The following BRF1 variants were observed in gnomAD, a reference collection of about 807,000 sequenced individuals.
BRF1 encodes the protein transcription factor IIIB 90 kDa subunit.
BRF1 carries 59 observed loss-of-function variants against 81.7 expected under a neutral mutation model. That is an observed-to-expected ratio of 0.72 (90% CI 0.59 to 0.90). The LOEUF is 0.90. Among genes scored for constraint, BRF1 ranks in the 40% least tolerant of loss-of-function variants. The pLI, the probability that BRF1 is intolerant of heterozygous loss-of-function variation, is 0.00. For missense variants in BRF1, 1,050 were observed against 936.3 expected (o/e 1.12, Z -1.58); for synonymous variants, 491 against 395.6 (o/e 1.24, Z -2.86).
intron 2 of BRF1, among the ~76,000 whole-genome samples, chr14:105,285,612 T>C (rs1196372832): frequency 6.6e-6 from 1 of 152,206 alleles, no homozygotes; most frequent in African/African-American, 2.4e-5. Flanking sequence ...CAACATTTGT[T>C]AGTTATGATA....
chr14:105,223,452 C>A (rs770947927), intron 10 of BRF1, among the ~76,000 whole-genome samples: 2 of 152,232 alleles, frequency 1.3e-5, no homozygotes, highest in Admixed American at 1.3e-4. Flanking sequence ...ACACCCTCAG[C>A]GTGCTGAAGG....
chr14:105,267,439 G>GA (rs2056467318), intron 3 of BRF1, among the ~76,000 whole-genome samples: 1 of 151,860 alleles, frequency 6.6e-6, no homozygotes, highest in South Asian at 2.1e-4. Flanking sequence ...CAGTAGGTGA[G>GA]ACCACAGGTA....
intron 16 of BRF1, chr14:105,211,672 T>TCCGGCC: frequency 2.8e-6 from 1 of 352,654 alleles, no homozygotes. Context: ...GAGGCTCTGC[T>TCCGGCC]CCGGCCCCTG....
chr14:105,295,413 C>G (rs1020947895), intron 1 of BRF1, among the ~76,000 whole-genome samples: 2 of 151,908 alleles, frequency 1.3e-5, no homozygotes, highest in Non-Finnish European at 2.9e-5. Context: ...CCAGACGAGC[C>G]TGGTCAACAT....
intron 1 of BRF1, among the ~76,000 whole-genome samples, chr14:105,290,847 C>T (rs771713895): frequency 6.6e-6 from 1 of 151,954 alleles, no homozygotes; most frequent in Non-Finnish European, 1.5e-5. Context: ...CACGCTGCTG[C>T]ACCTGCTCTG....
At chr14:105,301,926 G>A (rs1436271412), upstream of BRF1, among the ~76,000 whole-genome samples, 1 of 152,150 alleles carries the variant, frequency 6.6e-6, no homozygotes, top group East Asian at 1.9e-4. Flanking sequence ...CACGTAAGGT[G>A]AGGAGTTCGA....
intron 4 of BRF1, among the ~76,000 whole-genome samples, chr14:105,253,947 G>A (rs924663445): frequency 5.9e-5 from 9 of 152,208 alleles, no homozygotes; most frequent in East Asian, 1.9e-4. Flanking sequence ...GTGTACACAC[G>A]CATACAGTGT....
At chr14:105,229,037 C>A (rs1404721122) in intron 6 of BRF1, 124 bp from the exon 7 acceptor site, 2 of 858,628 alleles carry the variant, frequency 2.3e-6, no homozygotes, top group African/African-American at 1.6e-5. Flanking sequence ...CGTGTCTGTG[C>A]CAGGCAGTGA....
intron 1 of BRF1, among the ~76,000 whole-genome samples, chr14:105,295,520 G>C (rs2057699026): frequency 2.0e-5 from 3 of 151,464 alleles, no homozygotes; most frequent in Non-Finnish European, 4.4e-5. Flanking sequence ...AGCTGGGAGG[G>C]TCACTGGAGC....
At chr14:105,285,828 G>A (rs879569744) in intron 2 of BRF1, among the ~76,000 whole-genome samples, 5 of 151,980 alleles carry the variant, frequency 3.3e-5, no homozygotes, top group East Asian at 1.9e-4. Flanking sequence ...TCCGATAAAC[G>A]ACTTGCACCT....
At chr14:105,248,959 G>C in intron 5 of BRF1, 1 of 980,590 alleles carries the variant, frequency 1.0e-6, no homozygotes, top group East Asian at 1.1e-4. Flanking sequence ...AGGAAGGCCG[G>C]GCCGCGCAGC....
intron 1 of BRF1, among the ~76,000 whole-genome samples, chr14:105,306,090 G>A (rs946757583): frequency 1.3e-5 from 2 of 152,208 alleles, no homozygotes; most frequent in African/African-American, 4.8e-5. Flanking sequence ...TAATGTAGGT[G>A]TTGCACTGAA....
intron 15 of BRF1, among the ~76,000 whole-genome samples, chr14:105,213,623 A>G (rs1296322858): frequency 1.3e-5 from 2 of 151,874 alleles, no homozygotes; most frequent in Non-Finnish European, 2.9e-5. Context: ...CTGCAGGGAC[A>G]CACCCTCCCT....
At chr14:105,296,357 C>A (rs2057744386) in intron 1 of BRF1, among the ~76,000 whole-genome samples, 1 of 151,818 alleles carries the variant, frequency 6.6e-6, no homozygotes. Context: ...GCTAAAAATA[C>A]AAAAAATTAG....
intron 5 of BRF1, among the ~76,000 whole-genome samples, chr14:105,246,114 C>G (rs1172345062): frequency 2.0e-5 from 3 of 152,120 alleles, no homozygotes; most frequent in Non-Finnish European, 4.4e-5. Flanking sequence ...AATCCCAGCT[C>G]TTTGGGAGGC....
At chr14:105,295,384 T>A (rs1335990783) in intron 1 of BRF1, among the ~76,000 whole-genome samples, 1 of 150,652 alleles carries the variant, frequency 6.6e-6, no homozygotes, top group Non-Finnish European at 1.5e-5. Flanking sequence ...GACGGGAGAA[T>A]TACTTGAGCC....
intron 15 of BRF1, among the ~76,000 whole-genome samples, chr14:105,214,363 G>C (rs937754357): frequency 6.6e-6 from 1 of 152,244 alleles, no homozygotes; most frequent in Non-Finnish European, 1.5e-5. Flanking sequence ...AGTGACCACA[G>C]AGTGAGGAGG....
At chr14:105,257,060 G>A (rs1031609665) in intron 3 of BRF1, among the ~76,000 whole-genome samples, 2 of 152,276 alleles carry the variant, frequency 1.3e-5, no homozygotes, top group South Asian at 4.2e-4. Context: ...GGTGAGTGGT[G>A]AGCCTGCAGG....
intron 15 of BRF1, among the ~76,000 whole-genome samples, chr14:105,214,352 G>A (rs1328006248): frequency 2.0e-5 from 3 of 152,032 alleles, no homozygotes; most frequent in African/African-American, 4.8e-5. Flanking sequence ...AAAGCAGCCC[G>A]AGTGACCACA....
Sources: allele counts gnomAD v4.1 joint callset (sites outside exome capture counted in the v4.1 genomes callset), GRCh38; gene constraint gnomAD v4.1.1; transcripts MANE v1.5; gene names NCBI Gene and HGNC (gene_info 2026-07-23, HGNC 2026-07-21).